The following ALK variants were observed in gnomAD, a reference collection of about 807,000 sequenced individuals.
ALK encodes the protein ALK receptor tyrosine kinase.
A neutral mutation model predicts 163.1 loss-of-function variants in ALK; 74 were observed. That is an observed-to-expected ratio of 0.45 (90% CI 0.38 to 0.55). The LOEUF is 0.55. Among genes scored for constraint, ALK ranks in the 20% least tolerant of loss-of-function variants. The probability of loss-of-function intolerance (pLI) is 0.00; values close to 1 mark genes in which losing one functional copy is unlikely to be tolerated. For missense variants in ALK, 2,063 were observed against 2,105.3 expected (o/e 0.98, Z 0.39); for synonymous variants, 960 against 843.2 (o/e 1.14, Z -2.40).
chr2:29,682,197 C>G (rs1678091980), intron 3 of ALK, among the ~76,000 whole-genome samples: 1 of 152,036 alleles, frequency 6.6e-6, no homozygotes, highest in Non-Finnish European at 1.5e-5. Flanking sequence ...AGAGAGAACA[C>G]TGGGATAGAA....
chr2:29,623,137 T>C (rs1676082985), intron 3 of ALK, among the ~76,000 whole-genome samples: 1 of 152,238 alleles, frequency 6.6e-6, no homozygotes, highest in Non-Finnish European at 1.5e-5. Context: ...TTCAAGGTTC[T>C]TGGAAAGCCA....
intron 5 of ALK, among the ~76,000 whole-genome samples, chr2:29,380,450 C>T (rs1668868068): frequency 6.6e-6 from 1 of 151,798 alleles, no homozygotes; most frequent in Non-Finnish European, 1.5e-5. Context: ...CGGAGTTTCA[C>T]TCTTGTTGCC....
chr2:29,764,492 A>G (rs1037489021), intron 1 of ALK, among the ~76,000 whole-genome samples: 12 of 152,298 alleles, frequency 7.9e-5, no homozygotes, highest in African/African-American at 2.9e-4. Context: ...CCGGCACACC[A>G]CTGAGGAAGC....
At chr2:29,502,981 AG>A (rs1387709825) in intron 4 of ALK, among the ~76,000 whole-genome samples, 4 of 152,226 alleles carry the variant, frequency 2.6e-5, no homozygotes, top group African/African-American at 9.6e-5. Context: ...AAGACAGTTC[AG>A]GGTAGATTGT....
At chr2:29,864,102 G>T (rs907822882) in intron 1 of ALK, among the ~76,000 whole-genome samples, 10 of 152,126 alleles carry the variant, frequency 6.6e-5, no homozygotes, top group Admixed American at 5.2e-4. Context: ...GCACAGAGTG[G>T]TTACCTGCTT....
At chr2:29,405,272 T>C (rs911669169) in intron 4 of ALK, among the ~76,000 whole-genome samples, 5 of 152,190 alleles carry the variant, frequency 3.3e-5, no homozygotes, top group Admixed American at 1.3e-4. Context: ...GAACCTTTCA[T>C]ATCTGTTCCT....
intron 1 of ALK, among the ~76,000 whole-genome samples, chr2:29,881,217 C>G (rs1445910290): frequency 6.6e-6 from 1 of 152,184 alleles, no homozygotes; most frequent in Non-Finnish European, 1.5e-5. Context: ...TTCCAAAGAG[C>G]TGAGCCTTGC....
intron 3 of ALK, among the ~76,000 whole-genome samples, chr2:29,573,314 C>A (rs2148191937): frequency 6.6e-6 from 1 of 152,328 alleles, no homozygotes; most frequent in Admixed American, 6.5e-5. Flanking sequence ...ATTTACTAGG[C>A]ACCTGCTCTG....
intron 4 of ALK, among the ~76,000 whole-genome samples, chr2:29,465,198 T>C (rs980550738): frequency 6.6e-6 from 1 of 152,048 alleles, no homozygotes; most frequent in African/African-American, 2.4e-5. Context: ...AGATACAATA[T>C]ATGCAGAGAC....
chr2:29,917,881 G>C (rs1047817462), intron 1 of ALK, among the ~76,000 whole-genome samples: 21 of 152,132 alleles, frequency 1.4e-4, no homozygotes, highest in African/African-American at 4.6e-4. Context: ...CAGAATCCTG[G>C]CTCCTACTGA....
chr2:29,874,929 C>G (rs1436051885), intron 1 of ALK, among the ~76,000 whole-genome samples: 1 of 152,182 alleles, frequency 6.6e-6, no homozygotes, highest in Non-Finnish European at 1.5e-5. Flanking sequence ...TTAGAATCAC[C>G]TAAAGAGCTT....
chr2:29,920,569 A>C lies in ALK; in HGVS notation c.91T>G (p.Ser31Ala), dbSNP rs1026192345. The C allele has an allele frequency of 8.2e-6, 13 of 1,592,020 alleles. No homozygotes were observed. The highest frequency in any genetic ancestry group is 1.3e-5 in the African/African-American group (1 of 74,654). The change falls in exon 1 of 29, where the codon TCC becomes GCC. Residue 31 changes from serine (S) to alanine (A), a missense_variant. Ser to Ala is a moderately conservative substitution (Grantham distance 99). Transcript: ENST00000389048. ...SGMGTGQRAG[S>A]PAAGPPLQPR... Reference sequence around the variant, plus strand: ...TGCAGCGGCGGCCCCGCAGCTGGGGAGCCCGCGCGCTGGCCGGTCCCCATC... The same window carrying C: ...TGCAGCGGCGGCCCCGCAGCTGGGGCGCCCGCGCGCTGGCCGGTCCCCATC...
At chr2:29,747,743 C>T (rs1680241890) in intron 1 of ALK, among the ~76,000 whole-genome samples, 1 of 152,286 alleles carries the variant, frequency 6.6e-6, no homozygotes. Context: ...CTTGTGGGTT[C>T]CTAGAAAGCC....
At chr2:29,880,155 G>T (rs1038110283) in intron 1 of ALK, among the ~76,000 whole-genome samples, 1 of 152,176 alleles carries the variant, frequency 6.6e-6, no homozygotes, top group African/African-American at 2.4e-5. Context: ...TAATGACAAG[G>T]CCACTTTATC....
At chr2:29,267,297 T>C (rs1665246636) in intron 11 of ALK, among the ~76,000 whole-genome samples, 1 of 152,194 alleles carries the variant, frequency 6.6e-6, no homozygotes, top group Admixed American at 6.5e-5. Flanking sequence ...CAGTCCTGGC[T>C]GACACCCTAA....
intron 3 of ALK, among the ~76,000 whole-genome samples, chr2:29,666,405 A>G (rs1389621146): frequency 6.6e-6 from 1 of 152,152 alleles, no homozygotes; most frequent in East Asian, 1.9e-4. Flanking sequence ...GAGTCATAGA[A>G]TAAGAAAGGA....
At chr2:29,833,104 G>A (rs551705170) in intron 1 of ALK, among the ~76,000 whole-genome samples, 1 of 152,190 alleles carries the variant, frequency 6.6e-6, no homozygotes, top group South Asian at 2.1e-4. Context: ...GCTGTCAGGG[G>A]ACAAGACCTC....
At chr2:29,749,128 T>G (rs1325318670) in intron 1 of ALK, among the ~76,000 whole-genome samples, 1 of 152,158 alleles carries the variant, frequency 6.6e-6, no homozygotes, top group Non-Finnish European at 1.5e-5. Context: ...ACTGTCAAAC[T>G]CCAAGGCACA....
intron 8 of ALK, among the ~76,000 whole-genome samples, chr2:29,310,223 C>G (rs1195466081): frequency 6.6e-6 from 1 of 152,136 alleles, no homozygotes; most frequent in African/African-American, 2.4e-5. Context: ...AATCATGACT[C>G]TGCCTCTAGC....
Sources: gnomAD v4.1 joint callset for allele counts (sites outside exome capture counted in the v4.1 genomes callset) on GRCh38, gnomAD v4.1.1 for gene constraint, MANE v1.5 for transcripts, NCBI Gene and HGNC (gene_info 2026-07-23, HGNC 2026-07-21) for gene names.